Variants in TASL observed in about 807,000 individuals in gnomAD.
The protein encoded by TASL is TLR adapter interacting with SLC15A4 on the lysosome.
Under a neutral mutation model 12.9 loss-of-function variants are expected in TASL, and 6 were observed. The ratio of observed to expected loss-of-function variants is 0.46; its 90% CI spans 0.25 to 0.92. TASL has a LOEUF of 0.92. Ranked by LOEUF, TASL falls within the 40% of genes least tolerant of loss-of-function variation. TASL has a pLI of 0.17. For missense variants in TASL, 165 were observed against 212.8 expected, an observed-to-expected ratio of 0.78 and a Z score of 1.40; for synonymous variants, 85 against 79.3, an observed-to-expected ratio of 1.07 and a Z score of -0.38.
Position 30,560,152 on chromosome X carries a change from C to T in TASL, c.204G>A (p.Val68=), listed in dbSNP as rs1453769747. The T allele has an allele frequency of 2.5e-6, 3 of 1,210,207 alleles. No homozygotes were observed. Among genetic ancestry groups the T allele is most frequent in the South Asian group, 1.8e-5 (1 of 56,701 alleles). ...CKSSGKFISS[V]HSRESQHSRS... ...TGCTATGTTGGCTCTCTCTTGAATG[C>T]ACTGAAGAGATAAACTTGCCAGATG... Residue 68 remains valine (V), a synonymous_variant, in exon 3 of 3, where the codon GTG becomes GTA. Transcript: ENST00000378962.
chrX:30,572,463 T>C (rs969078970), intron 2 of TASL, among the ~76,000 whole-genome samples: 1 of 112,382 alleles, frequency 8.9e-6, no homozygotes, highest in African/African-American at 3.2e-5. Context: ...CTCACAGTTA[T>C]TATTTTTGTG....
chrX:30,570,234 T>TCACACA (rs1345226843), intron 2 of TASL, among the ~76,000 whole-genome samples: 30 of 64,174 alleles, frequency 4.7e-4, no homozygotes, highest in Non-Finnish European at 6.3e-4. Flanking sequence ...ATACTCTCTC[T>TCACACA]CTCACACACA....
chrX:30,559,766 C>T lies in TASL; in HGVS notation c.590G>A (p.Ser197Asn). ...AATAGGATTCTGCATTTGCAAGCTGCTTTTCTCTTTGATGCTTGTTATTCT... is the reference window on the plus strand; with the variant it reads ...AATAGGATTCTGCATTTGCAAGCTGTTTTTCTCTTTGATGCTTGTTATTCT... ...YWRITSIKEK[S>N]SLQMQNPISN... The change falls in exon 3 of 3, where the codon AGC (serine) becomes AAC (asparagine). Residue 197 changes from serine (S) to asparagine (N), a missense_variant. Physicochemically the swap from Ser to Asn is conservative, Grantham distance 46. Transcript: ENST00000378962. The T allele has an allele frequency of 8.3e-7, 1 of 1,211,171 alleles. No homozygotes were observed. Among genetic ancestry groups the T allele is most frequent in the Non-Finnish European group, 1.1e-6 (1 of 895,057 alleles).
chrX:30,571,475 C>G (rs1360124026), intron 2 of TASL, among the ~76,000 whole-genome samples: 1 of 107,664 alleles, frequency 9.3e-6, no homozygotes, highest in Non-Finnish European at 1.9e-5. Context: ...AAAAAATTAG[C>G]AGGGCGTGGT....
At chrX:30,573,322 G>A (rs1425292089) in intron 2 of TASL, among the ~76,000 whole-genome samples, 1 of 112,003 alleles carries the variant, frequency 8.9e-6, no homozygotes, top group Non-Finnish European at 1.9e-5. Context: ...GTCCTTCCAG[G>A]AAAAGGGCAT....
chrX:30,559,575 T>C lies in TASL; in HGVS notation c.781A>G (p.Asn261Asp). 2.5e-6 allele frequency: 3 copies of C among 1,210,626 alleles called. No homozygotes were observed. The highest frequency in any genetic ancestry group is 3.4e-6 in the Non-Finnish European group (3 of 894,634). Residue 261 changes from asparagine to aspartate, a missense_variant, in exon 3 of 3, where the codon AAT (asparagine) becomes GAT (aspartate). Asn to Asp is a conservative substitution (Grantham distance 23). Coordinates refer to ENST00000378962, the MANE Select transcript of TASL (RefSeq NM_025159.3). ...TCTCTGGCTTTTGAGGTCTCCAGAT[T>C]CTTCTCTCTAGACACTTGAAGACTG... ...QISLQVSREKNLETSKARDIV... is the reference protein window; with the variant it reads ...QISLQVSREKDLETSKARDIV...
chrX:30,570,451 A>C (rs1381879819), intron 2 of TASL, among the ~76,000 whole-genome samples: 1 of 111,296 alleles, frequency 9.0e-6, no homozygotes, highest in African/African-American at 3.3e-5. Context: ...TCACAAAAAA[A>C]CTCTAATATT....
intron 2 of TASL, among the ~76,000 whole-genome samples, chrX:30,564,978 C>A (rs961113320): frequency 5.4e-5 from 6 of 111,903 alleles, no homozygotes; most frequent in Middle Eastern, 4.6e-3. Flanking sequence ...TATACTGCTG[C>A]CTTCTATCTC....
intron 2 of TASL, among the ~76,000 whole-genome samples, chrX:30,571,203 A>G (rs990982760): frequency 2.9e-5 from 3 of 101,939 alleles, no homozygotes; most frequent in Non-Finnish European, 4.0e-5. Flanking sequence ...AAAGAAGGAA[A>G]GAAAGAAGGA....
chrX:30,562,249 A>C (rs1930436479), intron 2 of TASL, among the ~76,000 whole-genome samples: 1 of 112,325 alleles, frequency 8.9e-6, no homozygotes, highest in Admixed American at 9.4e-5. Context: ...TTAAGGCATA[A>C]TATTTATGCA....
In TASL at chrX:30,577,473, C is replaced by T. The variant is rs779197083; in HGVS notation, c.-117+165G>A. Among the ~76,000 whole-genome samples the T allele has an allele frequency of 3.6e-5, 4 of 112,049 alleles. No homozygotes were observed. The East Asian group carries it at 1.1e-3, about 31-fold the overall frequency. The stretch of plus-strand genomic sequence containing the variant: ...CTTTATTTTTCAACTCCACTGAATG[C>T]TTGTTTAAACTCCCACTTGTCTCTG... On this transcript the variant is annotated intron_variant, in intron 1 of 2. Transcript: ENST00000378962.
rs936888670 is a variant in TASL, at chrX:30,559,393, G to A, written c.*57C>T. The A allele has an allele frequency of 1.5e-5, 14 of 922,336 alleles. No individual in the cohort carries two copies. The African/African-American group carries it at 2.8e-4, about 18-fold the overall frequency. 76.0% of individuals were successfully genotyped at this position (922,336 alleles called of 1,213,427 possible). ...CCTCCTGCACATTCTCAGAATAAAT[G>A]GATAAAGTGTTGCTTCATGTTTAAG... On this transcript the variant is annotated 3_prime_UTR_variant, in exon 3 of 3. Transcript: ENST00000378962.
chrX:30,572,416 G>T, intron 2 of TASL, among the ~76,000 whole-genome samples: 1 of 111,928 alleles, frequency 8.9e-6, no homozygotes, highest in Non-Finnish European at 1.9e-5. Context: ...TGTATATTGT[G>T]AAATGGCAAC....
At chrX:30,564,410 T>C (rs1286674322) in intron 2 of TASL, among the ~76,000 whole-genome samples, 2 of 108,916 alleles carry the variant, frequency 1.8e-5, no homozygotes, top group East Asian at 2.8e-4. Context: ...GTTATCAAAA[T>C]AGTGAGTGAA....
At chrX:30,564,129 A>G (rs1403472460) in intron 2 of TASL, among the ~76,000 whole-genome samples, 1 of 111,939 alleles carries the variant, frequency 8.9e-6, no homozygotes, top group East Asian at 2.8e-4. Context: ...TGAATTACAA[A>G]TTGGATGCTA....
intron 2 of TASL, among the ~76,000 whole-genome samples, chrX:30,569,351 G>A (rs1032506202): frequency 9.0e-6 from 1 of 111,009 alleles, no homozygotes; most frequent in Admixed American, 9.6e-5. Flanking sequence ...CTGAGTGTGG[G>A]TATGTAGGGG....
chrX:30,567,468 T>A (rs1930516046), intron 2 of TASL, among the ~76,000 whole-genome samples: 1 of 111,484 alleles, frequency 9.0e-6, no homozygotes, highest in Non-Finnish European at 1.9e-5. Flanking sequence ...GACCATGAAG[T>A]CAGTACACAA....
At chrX:30,577,167 T>C (rs1005067026) in intron 1 of TASL, among the ~76,000 whole-genome samples, 1 of 111,990 alleles carries the variant, frequency 8.9e-6, no homozygotes, top group Non-Finnish European at 1.9e-5. Context: ...TCAAATCCAA[T>C]TGGAAAGGAC....
At chrX:30,568,740 C>A (rs2055288907) in intron 2 of TASL, among the ~76,000 whole-genome samples, 1 of 110,987 alleles carries the variant, frequency 9.0e-6, no homozygotes, top group African/African-American at 3.3e-5. Context: ...AATCTCCACA[C>A]TCCTTCATAA....
Sources: gnomAD v4.1 joint callset for allele counts (sites outside exome capture counted in the v4.1 genomes callset) on GRCh38, gnomAD v4.1.1 for gene constraint, MANE v1.5 for transcripts, NCBI Gene and HGNC (gene_info 2026-07-23, HGNC 2026-07-21) for gene names.